NFRKB: variants seen among roughly 807,000 people sequenced by gnomAD.
NFRKB encodes nuclear factor related to kappaB binding protein.
A neutral mutation model predicts 135.7 loss-of-function variants in NFRKB; 62 were observed. The ratio of observed to expected loss-of-function variants is 0.46; its 90% CI spans 0.37 to 0.56. The LOEUF (loss-of-function observed/expected upper bound fraction) is 0.56, where lower values mean the gene tolerates loss of function less well. NFRKB is among the 20% of genes least tolerant of loss of function. The probability of loss-of-function intolerance (pLI) is 0.00; values close to 1 mark genes in which losing one functional copy is unlikely to be tolerated. For synonymous variants in NFRKB, 678 were observed against 635.6 expected (o/e 1.07, Z -1.00); for missense variants, 1,545 against 1,662.0 (o/e 0.93, Z 1.22).
Position 129,874,427 on chromosome 11 carries a change from G to C in NFRKB, c.2058+74C>G, listed in dbSNP as rs1948668877. ...CAGCTCCTGATGCCCCACACCAAGTGAAAGCCGAGCAGCCACTCTTAGTTG... is the reference window on the plus strand; with the variant it reads ...CAGCTCCTGATGCCCCACACCAAGTCAAAGCCGAGCAGCCACTCTTAGTTG... On this transcript the variant is annotated intron_variant, in intron 20 of 26. Coordinates refer to ENST00000682444, the MANE Select transcript of NFRKB (RefSeq NM_001143835.2). This position sits in a 1 kb window ranked among gnomAD's most constrained non-coding sequence, Gnocchi z 4.5. 6.4e-7 allele frequency: 1 copy of C among 1,558,220 alleles called. No individual in the cohort carries two copies. The highest frequency in any genetic ancestry group is 8.7e-7 in the Non-Finnish European group (1 of 1,153,620).
Position 129,865,948 on chromosome 11 carries a change from A to G in NFRKB, c.3567T>C (p.Ser1189=). 1 of 1,613,686 alleles carries G rather than the reference A, an allele frequency of 6.2e-7. No individual in the cohort carries two copies. Among genetic ancestry groups the G allele is most frequent in the Non-Finnish European group, 8.5e-7 (1 of 1,179,896 alleles). The part of the protein sequence containing the change: ...KLPTRITVPL[S]VISQPMKGKS... ...TGCCCTTCATTGGCTGGCTGATCAC[A>G]GAGAGGGGAACTGTGATCCGTGTAG... Residue 1189 remains serine, a synonymous_variant, in exon 25 of 27, where the codon TCT becomes TCC. Coordinates refer to ENST00000682444, the MANE Select transcript of NFRKB (RefSeq NM_001143835.2).
intron 2 of NFRKB, 37 bp from the exon 3 acceptor site, chr11:129,892,907 A>C: frequency 1.2e-6 from 2 of 1,613,558 alleles, no homozygotes; most frequent in Non-Finnish European, 1.7e-6. Flanking sequence ...AGAAAGGCAG[A>C]AATTCCAGGG....
rs769762475 is a variant in NFRKB, at chr11:129,870,255, T to C, written c.2770A>G (p.Ile924Val). Reference protein sequence around the residue: ...TGQNIIKQVAITGQLGVKPQT... With the variant: ...TGQNIIKQVAVTGQLGVKPQT... ...GGCTTCACACCAAGCTGCCCAGTGA[T>C]TGCCACCTGAATGGGGAGAAGCAGC... The change falls in exon 24 of 27, where the codon ATC becomes GTC. Residue 924 changes from isoleucine (I) to valine (V), a missense_variant. Physicochemically the swap from Ile to Val is conservative, Grantham distance 29 (BLOSUM62 3). Around this residue, in one of 3 missense-constraint regions of NFRKB, gnomAD observed 753 missense variants for 804.3 expected, o/e 0.94. Coordinates refer to ENST00000682444, the MANE Select transcript of NFRKB (RefSeq NM_001143835.2). 3.7e-6 allele frequency: 6 copies of C among 1,611,962 alleles called. No individual in the cohort carries two copies. The highest frequency in any genetic ancestry group is 1.3e-5 in the African/African-American group (1 of 75,018).
Position 129,882,092 on chromosome 11 carries a change from A to G in NFRKB, c.1185T>C (p.Leu395=), listed in dbSNP as rs760517514. 2.5e-6 allele frequency: 4 copies of G among 1,601,124 alleles called. No homozygotes were observed. In the African/African-American group the frequency reaches 5.4e-5, roughly 22 times the overall value. The change falls in exon 11 of 27, where the codon CTT becomes CTC. Residue 395 remains leucine (L), a synonymous_variant. Coordinates refer to ENST00000682444, the MANE Select transcript of NFRKB (RefSeq NM_001143835.2). ...EILLLESQAS[L]PMLEERVLDW... ...ACTTTTCCAAAACGCTTACCATAGG[A>G]AGGCTAGCCTGACTCTCCAGCAGCA...
At chr11:129,888,207 A>AGT (rs895404225) in intron 4 of NFRKB, 6 of 502,694 alleles carry the variant, frequency 1.2e-5, no homozygotes, top group Non-Finnish European at 2.1e-5. Context: ...TGCAGCAAAA[A>AGT]GTGTGTGTGT....
rs112457165 is a variant in NFRKB, at chr11:129,876,024, G to A, written c.1748-561C>T. Among the ~76,000 whole-genome samples the A allele has an allele frequency of 1.6e-3, 236 of 152,132 alleles. 1 individual carries two copies. The highest frequency in any genetic ancestry group is 5.5e-3 in the African/African-American group (230 of 41,500). On this transcript the variant is annotated intron_variant, in intron 17 of 26. Coordinates refer to ENST00000682444, the MANE Select transcript of NFRKB (RefSeq NM_001143835.2). Reference sequence around the variant, plus strand: ...ATTCAGAGGGCCTGTGAACTCAGGTGGGAAGCAAAATTACATCTTAAACTG... The same window carrying A: ...ATTCAGAGGGCCTGTGAACTCAGGTAGGAAGCAAAATTACATCTTAAACTG...
At chr11:129,891,704 T>C (rs1949567426) in intron 3 of NFRKB, among the ~76,000 whole-genome samples, 1 of 152,214 alleles carries the variant, frequency 6.6e-6, no homozygotes, top group African/African-American at 2.4e-5. Flanking sequence ...AGTGACTGCA[T>C]TTTTAGACCA....
chr11:129,885,328 G>T, intron 6 of NFRKB, 107 bp downstream of exon 6: 1 of 1,302,786 alleles, frequency 7.7e-7, no homozygotes, highest in Non-Finnish European at 1.1e-6. Context: ...GACAACTCAA[G>T]AGGGTTTCTT....
At chr11:129,888,885 A>G in intron 3 of NFRKB, 90 bp from the exon 4 acceptor site, 2 of 919,704 alleles carry the variant, frequency 2.2e-6, no homozygotes, top group Admixed American at 2.6e-5. Flanking sequence ...TAATATACAT[A>G]AGATTTACCA....
chr11:129,882,635 G>A lies in NFRKB; in HGVS notation c.902-4C>T, dbSNP rs1949085185. On this transcript the variant is annotated splice_polypyrimidine_tract_variant and splice_region_variant and intron_variant, in intron 9 of 26. Transcript: ENST00000682444. Reference sequence around the variant, plus strand: ...AGGACAGCCAAGTCATATAAGGCTAGAAAGGCAAAGTAACACCAGTCACAG... The same window carrying A: ...AGGACAGCCAAGTCATATAAGGCTAAAAAGGCAAAGTAACACCAGTCACAG... The A allele has an allele frequency of 6.2e-7, 1 of 1,612,674 alleles. No homozygotes were observed. The highest frequency in any genetic ancestry group is 8.5e-7 in the Non-Finnish European group (1 of 1,179,636).
Position 129,882,545 on chromosome 11 carries a change from C to A in NFRKB, c.988G>T (p.Ala330Ser), listed in dbSNP as rs1398115427. ...KKKIKTIKSE[A>S]EDLAEPLSST... ...CTTAGCGGCTCGGCCAGGTCCTCTG[C>A]CTCTGATTTGATCGTTTTTATTTTC... The change falls in exon 10 of 27, where the codon GCA becomes TCA. Residue 330 changes from alanine to serine, a missense_variant. Physicochemically the swap from Ala to Ser is moderately conservative, Grantham distance 99 (BLOSUM62 1). Coordinates refer to ENST00000682444, the MANE Select transcript of NFRKB (RefSeq NM_001143835.2). 3 of 1,613,968 alleles carry A rather than the reference C, an allele frequency of 1.9e-6. No individual in the cohort carries two copies. In the Admixed American group the frequency reaches 5.0e-5, roughly 27 times the overall value.
At chr11:129,893,478 T>TG (rs1949651992) in intron 2 of NFRKB, 1 of 246,948 alleles carries the variant, frequency 4.0e-6, no homozygotes, top group Admixed American at 4.4e-5. Flanking sequence ...GAGGATCGCT[T>TG]GAACACGAGA....
At chr11:129,883,736 A>T (rs140512008) in intron 8 of NFRKB, among the ~76,000 whole-genome samples, 1 of 152,322 alleles carries the variant, frequency 6.6e-6, no homozygotes, top group Non-Finnish European at 1.5e-5. Context: ...AGTGGGACAA[A>T]CCCAGGGCCC....
intron 3 of NFRKB, among the ~76,000 whole-genome samples, chr11:129,891,275 C>T (rs1949548248): frequency 6.6e-6 from 1 of 152,212 alleles, no homozygotes; most frequent in Admixed American, 6.5e-5. Flanking sequence ...ACTACCTCTC[C>T]CATGCACCAA....
chr11:129,869,754 C>T lies in NFRKB; in HGVS notation c.3271G>A (p.Val1091Met), dbSNP rs774362026. The change falls in exon 24 of 27, where the codon GTG becomes ATG. Residue 1091 changes from valine to methionine, a missense_variant. This residue lies in a region of NFRKB where 753 missense variants were observed against 804.3 expected (regional missense o/e 0.94). Transcript: ENST00000682444. ...EAKPAATIRI[V>M]QGLGVMPPKA... ...GGAGGCATCACTCCCAGTCCCTGCACGATGCGGATCGTGGCAGCTGGTTTT... is the reference window on the plus strand; with the variant it reads ...GGAGGCATCACTCCCAGTCCCTGCATGATGCGGATCGTGGCAGCTGGTTTT... 1.7e-5 allele frequency: 27 copies of T among 1,614,144 alleles called. 1 individual carries two copies. The highest frequency in any genetic ancestry group is 4.5e-5 in the East Asian group (2 of 44,900).
At chr11:129,893,077 T>C (rs1949628845) in intron 2 of NFRKB, 1 of 1,420,224 alleles carries the variant, frequency 7.0e-7, no homozygotes. Flanking sequence ...AGAGCTCTTT[T>C]CTCAGAATGC....
At chr11:129,888,208 G>T (rs1450877684) in intron 4 of NFRKB, 14 of 508,704 alleles carry the variant, frequency 2.8e-5, no homozygotes, top group South Asian at 5.1e-5. Flanking sequence ...GCAGCAAAAA[G>T]TGTGTGTGTA....
rs1949081921 is a variant in NFRKB at position 129,882,554 on chromosome 11, T to G, written c.979A>C (p.Lys327Gln). 6.2e-7 allele frequency: 1 copy of G among 1,614,040 alleles called. No homozygotes were observed. The highest frequency in any genetic ancestry group is 1.7e-5 in the Admixed American group (1 of 60,008). Reference sequence around the variant, plus strand: ...TCGGCCAGGTCCTCTGCCTCTGATTTGATCGTTTTTATTTTCTTCTTCTTC... The same window carrying G: ...TCGGCCAGGTCCTCTGCCTCTGATTGGATCGTTTTTATTTTCTTCTTCTTC... ...EKKKKKIKTI[K>Q]SEAEDLAEPL... Residue 327 changes from lysine (K) to glutamine (Q), a missense_variant, in exon 10 of 27, where the codon AAA (lysine) becomes CAA (glutamine). Transcript: ENST00000682444.
At chr11:129,884,028 T>A (rs775263068) in intron 8 of NFRKB, 42 bp downstream of exon 8, 1 of 1,603,976 alleles carries the variant, frequency 6.2e-7, no homozygotes, top group African/African-American at 1.3e-5. Flanking sequence ...TCCTGAGACA[T>A]CAGGCTGAAA....
Sources: gnomAD v4.1 joint callset for allele counts (sites outside exome capture counted in the v4.1 genomes callset) on GRCh38, gnomAD v4.1.1 for gene constraint, gnomAD v4.1.1 regional missense constraint, Gnocchi (gnomAD v3.1) non-coding constraint, MANE v1.5 for transcripts, NCBI Gene and HGNC (gene_info 2026-07-23, HGNC 2026-07-21) for gene names.